Variants in NEDD4L observed in about 807,000 individuals in gnomAD.
NEDD4L encodes the protein E3 ubiquitin-protein ligase NEDD4-like.
NEDD4L carries 54 observed loss-of-function variants against 148.9 expected under a neutral mutation model. The observed-to-expected ratio is 0.36, with a 90% CI of 0.29 to 0.45. NEDD4L has a LOEUF of 0.45. NEDD4L is among the 20% of genes least tolerant of loss of function. The pLI, the probability that NEDD4L is intolerant of heterozygous loss-of-function variation, is 1.00. For missense variants in NEDD4L, 856 were observed against 1,233.8 expected, an observed-to-expected ratio of 0.69 and a Z score of 4.59; for synonymous variants, 433 against 440.7, an observed-to-expected ratio of 0.98 and a Z score of 0.22.
intron 3 of NEDD4L, chr18:58,247,478 A>T (rs773266146): frequency 2.0e-5 from 3 of 152,126 alleles, no homozygotes; most frequent in African/African-American, 7.3e-5. Flanking sequence ...TGCCTGCTGG[A>T]TGTGGAGCCA....
intron 1 of NEDD4L, among the ~76,000 whole-genome samples, chr18:58,064,561 C>T (rs2082506879): frequency 6.6e-6 from 1 of 152,040 alleles, no homozygotes; most frequent in Admixed American, 6.6e-5. Flanking sequence ...TTCCTTTATT[C>T]AAACTTCTCT....
chr18:58,083,003 C>T (rs754389450), intron 1 of NEDD4L, among the ~76,000 whole-genome samples: 4 of 151,994 alleles, frequency 2.6e-5, no homozygotes, highest in African/African-American at 4.8e-5. Flanking sequence ...CAGTCAAAAG[C>T]GTATACATTC....
intron 2 of NEDD4L, among the ~76,000 whole-genome samples, chr18:58,225,166 C>T (rs1278034586): frequency 6.6e-6 from 1 of 152,084 alleles, no homozygotes; most frequent in Admixed American, 6.5e-5. Context: ...GAAGACAAGA[C>T]ACAGTCAGGG....
At chr18:58,078,054 T>C (rs2083261683) in intron 1 of NEDD4L, among the ~76,000 whole-genome samples, 1 of 149,892 alleles carries the variant, frequency 6.7e-6, no homozygotes, top group Non-Finnish European at 1.5e-5. Flanking sequence ...AATTGCTTGC[T>C]CCAGATGACT....
intron 5 of NEDD4L, among the ~76,000 whole-genome samples, chr18:58,257,520 C>T (rs1339024326): frequency 1.3e-5 from 2 of 152,046 alleles, no homozygotes; most frequent in African/African-American, 2.4e-5. Flanking sequence ...GATGGCGTGG[C>T]GTGCAATTTA....
At chr18:58,264,369 G>T (rs976691023) in intron 5 of NEDD4L, among the ~76,000 whole-genome samples, 1 of 152,078 alleles carries the variant, frequency 6.6e-6, no homozygotes, top group Non-Finnish European at 1.5e-5. Context: ...TCCAGCTAAT[G>T]TATGCAGGGG....
At chr18:58,197,674 C>T (rs1048883530) in intron 2 of NEDD4L, 4 of 152,500 alleles carry the variant, frequency 2.6e-5, no homozygotes, top group African/African-American at 9.7e-5. Context: ...CCATGTGATC[C>T]CTTCCCTGCC....
chr18:58,327,499 G>T (rs1482347466), intron 9 of NEDD4L, among the ~76,000 whole-genome samples: 1 of 152,256 alleles, frequency 6.6e-6, no homozygotes, highest in Admixed American at 6.5e-5. Flanking sequence ...AAAGGGAGAG[G>T]CTGAGCCAGG....
At chr18:58,330,606 C>G (rs1284471502) in intron 10 of NEDD4L, 132 bp from the exon 11 acceptor site, 1 of 578,408 alleles carries the variant, frequency 1.7e-6, no homozygotes, top group East Asian at 3.1e-5. Context: ...GGTTGTGTGC[C>G]TCATGAGAGG....
At chr18:58,394,505 TG>T (rs750878266) in intron 30 of NEDD4L, among the ~76,000 whole-genome samples, 25 of 152,262 alleles carry the variant, frequency 1.6e-4, no homozygotes, top group Admixed American at 7.2e-4. Flanking sequence ...CTGAAAAGCC[TG>T]AAGCCACTTT....
Position 58,082,102 on chromosome 18 carries a change from A to ATATATATATATTTTT in NEDD4L, c.48+37395_48+37396insATATATATATTTTTT. 8.2e-4 allele frequency among the ~76,000 whole-genome samples: 40 copies of ATATATATATATTTTT among 48,818 alleles called. 1 individual carries two copies. Among genetic ancestry groups the ATATATATATATTTTT allele is most frequent in the African/African-American group, 4.7e-3 (37 of 7,828 alleles). The allele number at this position is 48,818 out of a possible 152,430, so 32.0% of individuals were successfully genotyped here. A position where few individuals can be genotyped will look rare whatever the true frequency, so the allele number is the denominator to read the frequency against. On this transcript the variant is annotated intron_variant, in intron 1 of 30. Coordinates refer to ENST00000400345, the MANE Select transcript of NEDD4L (RefSeq NM_001144967.3). The stretch of plus-strand genomic sequence containing the variant: ...TGAATATATATATATATATATATAT[A>ATATATATATATTTTT]TTTTTTTTTTTTTTTTTTTCTTGAG...
chr18:58,294,182 G>A (rs932350136), intron 5 of NEDD4L, among the ~76,000 whole-genome samples: 10 of 152,126 alleles, frequency 6.6e-5, no homozygotes, highest in African/African-American at 2.2e-4. Flanking sequence ...TCTGCTTGCC[G>A]CTTTCTTCCA....
chr18:58,216,265 G>C (rs562424450), intron 2 of NEDD4L, among the ~76,000 whole-genome samples: 143 of 152,238 alleles, frequency 9.4e-4, no homozygotes, highest in Non-Finnish European at 1.8e-3. Flanking sequence ...AGTGGGGCTG[G>C]GGAAGGGAGA....
chr18:58,329,752 G>A (rs973916983), intron 10 of NEDD4L, among the ~76,000 whole-genome samples: 1 of 151,438 alleles, frequency 6.6e-6, no homozygotes, highest in Admixed American at 6.6e-5. Flanking sequence ...ACCTGCCTTG[G>A]CCTCCCAAAG....
chr18:58,135,930 A>T lies in NEDD4L; in HGVS notation c.49-29858A>T, dbSNP rs372038660. On this transcript the variant is annotated intron_variant, in intron 1 of 30. Coordinates refer to ENST00000400345, the MANE Select transcript of NEDD4L (RefSeq NM_001144967.3). ...GGTTTTGTTTTGCTCATTGATGGCC[A>T]TACCCCTTGTGTGGTTGGCCAGGAA... Among the ~76,000 whole-genome samples, 174 of 152,316 alleles carry T rather than the reference A, an allele frequency of 1.1e-3. 1 individual carries two copies. The highest frequency in any genetic ancestry group is 4.0e-3 in the African/African-American group (167 of 41,556).
At chr18:58,389,281 G>C in intron 28 of NEDD4L, 89 bp downstream of exon 28, 1 of 925,888 alleles carries the variant, frequency 1.1e-6, no homozygotes, top group South Asian at 1.6e-5. Flanking sequence ...TCTGACTTCA[G>C]GACTGATGCT....
At chr18:58,137,999 AGC>A (rs2033045607) in intron 1 of NEDD4L, among the ~76,000 whole-genome samples, 1 of 152,182 alleles carries the variant, frequency 6.6e-6, no homozygotes, top group Non-Finnish European at 1.5e-5. Flanking sequence ...TCTGGCCCAG[AGC>A]CGTCCAGGTG....
rs2046720180 is a variant in NEDD4L, at chr18:58,370,525, G to A, written c.2256+58G>A. The A allele has an allele frequency of 5.4e-6, 6 of 1,104,826 alleles. No individual in the cohort carries two copies. In the Admixed American group the frequency reaches 8.5e-5, roughly 16 times the overall value. 68.4% of individuals were successfully genotyped at this position (1,104,826 alleles called of 1,614,324 possible). A position where few individuals can be genotyped will look rare whatever the true frequency, so the allele number is the denominator to read the frequency against. ...CCGGGCACTCGTGTCTTATGAGAAG[G>A]TATTGGAGAGCCATATTTGTAGTCT... On this transcript the variant is annotated intron_variant, in intron 23 of 30. Transcript: ENST00000400345.
intron 10 of NEDD4L, 50 bp downstream of exon 10, chr18:58,329,177 G>T (rs774584475): frequency 6.3e-7 from 1 of 1,588,204 alleles, no homozygotes; most frequent in Non-Finnish European, 8.6e-7. Context: ...TTCTTCCCAT[G>T]TTCTCCAGCT....
Sources: allele counts gnomAD v4.1 joint callset (sites outside exome capture counted in the v4.1 genomes callset), GRCh38; gene constraint gnomAD v4.1.1; transcripts MANE v1.5; gene names NCBI Gene and HGNC (gene_info 2026-07-23, HGNC 2026-07-21).